Variants in SLC24A2 observed in about 807,000 individuals in gnomAD.
The protein encoded by SLC24A2 is sodium/potassium/calcium exchanger 2.
A neutral mutation model predicts 62.0 loss-of-function variants in SLC24A2; 36 were observed. The ratio of observed to expected loss-of-function variants is 0.58; its 90% confidence interval spans 0.44 to 0.77. The LOEUF (loss-of-function observed/expected upper bound fraction) is 0.77, where lower values mean the gene tolerates loss of function less well. Among genes scored for constraint, SLC24A2 ranks in the 30% least tolerant of loss-of-function variants. The pLI, the probability that SLC24A2 is intolerant of heterozygous loss-of-function variation, is 0.00. For synonymous variants in SLC24A2, 358 were observed against 294.0 expected (o/e 1.22, Z -2.23); for missense variants, 846 against 817.9 (o/e 1.03, Z -0.42).
chr9:19,933,432 A>G, the SLC24A2 span, among the ~76,000 whole-genome samples: 3 of 152,168 alleles, frequency 2.0e-5, no homozygotes, highest in Non-Finnish European at 4.4e-5. Context: ...TTCACACTCA[A>G]AAGCTCATAA....
chr9:20,236,740 C>T, the SLC24A2 span, among the ~76,000 whole-genome samples: 1 of 152,142 alleles, frequency 6.6e-6, no homozygotes, highest in Non-Finnish European at 1.5e-5. Context: ...AATCAGCCTT[C>T]CCCAGCCCTG....
At chr9:19,653,466 G>C (rs987053025) in intron 2 of SLC24A2, among the ~76,000 whole-genome samples, 1 of 152,164 alleles carries the variant, frequency 6.6e-6, no homozygotes, top group Admixed American at 6.5e-5. Flanking sequence ...TGCTCATCAA[G>C]GATAAATATC....
the SLC24A2 span, among the ~76,000 whole-genome samples, chr9:19,980,921 T>C: frequency 6.6e-6 from 1 of 152,224 alleles, no homozygotes; most frequent in African/African-American, 2.4e-5. Flanking sequence ...GGATAACTTG[T>C]ATTCCCATCC....
At chr9:20,179,888 G>A in the SLC24A2 span, among the ~76,000 whole-genome samples, 1 of 152,188 alleles carries the variant, frequency 6.6e-6, no homozygotes, top group East Asian at 1.9e-4. Context: ...TGCACAAAAG[G>A]GAGTTTGGCA....
the SLC24A2 span, among the ~76,000 whole-genome samples, chr9:20,083,885 C>T: frequency 6.6e-6 from 1 of 152,136 alleles, no homozygotes; most frequent in Admixed American, 6.5e-5. Flanking sequence ...GCACAGGATC[C>T]CAGACCCCGT....
At chr9:19,911,823 T>C in the SLC24A2 span, among the ~76,000 whole-genome samples, 1 of 152,128 alleles carries the variant, frequency 6.6e-6, no homozygotes, top group South Asian at 2.1e-4. Context: ...CTTGTCTAGA[T>C]CTTATCTCAG....
intron 2 of SLC24A2, among the ~76,000 whole-genome samples, chr9:19,680,736 T>C (rs1401504676): frequency 1.3e-5 from 2 of 152,028 alleles, no homozygotes; most frequent in South Asian, 2.1e-4. Flanking sequence ...TTCCAAACAT[T>C]TGAAAACTCA....
chr9:20,266,677 T>A, the SLC24A2 span, among the ~76,000 whole-genome samples: 1 of 152,212 alleles, frequency 6.6e-6, no homozygotes, highest in Non-Finnish European at 1.5e-5. Flanking sequence ...ACTTTATTTT[T>A]CTGAAAATTA....
chr9:20,150,795 C>T, the SLC24A2 span, among the ~76,000 whole-genome samples: 11 of 150,830 alleles, frequency 7.3e-5, no homozygotes, highest in Admixed American at 2.0e-4. Context: ...AATTTAATAA[C>T]GAAAAATAAA....
At chr9:19,881,643 C>A in the SLC24A2 span, among the ~76,000 whole-genome samples, 4 of 152,154 alleles carry the variant, frequency 2.6e-5, no homozygotes, top group Admixed American at 2.6e-4. Context: ...TAGGGGTACA[C>A]ACTTATTTAG....
At chr9:19,895,937 G>A in the SLC24A2 span, 33 of 1,613,044 alleles carry the variant, frequency 2.0e-5, no homozygotes, top group Non-Finnish European at 2.7e-5. Flanking sequence ...AGGTCAAACA[G>A]CTGCACGTGC....
chr9:20,152,310 C>G, the SLC24A2 span, among the ~76,000 whole-genome samples: 1 of 151,906 alleles, frequency 6.6e-6, no homozygotes, highest in East Asian at 1.9e-4. Context: ...AAGGATCTAG[C>G]ATAAGGTTTC....
At chr9:20,257,839 G>A in the SLC24A2 span, among the ~76,000 whole-genome samples, 5 of 152,138 alleles carry the variant, frequency 3.3e-5, no homozygotes, top group African/African-American at 7.2e-5. Flanking sequence ...TTTCTAAAAC[G>A]AGTGGGCTCA....
the SLC24A2 span, among the ~76,000 whole-genome samples, chr9:19,883,048 T>C: frequency 6.6e-6 from 1 of 152,218 alleles, no homozygotes. Flanking sequence ...TAGATCTCTA[T>C]TTATTACAAA....
the SLC24A2 span, among the ~76,000 whole-genome samples, chr9:20,091,331 C>A: frequency 1.3e-5 from 2 of 152,034 alleles, no homozygotes; most frequent in East Asian, 1.9e-4. Context: ...GAGAGGCCAA[C>A]AGTCAAATTC....
chr9:19,519,466 T>C (rs1162961715), intron 10 of SLC24A2, among the ~76,000 whole-genome samples: 2 of 152,204 alleles, frequency 1.3e-5, no homozygotes, highest in East Asian at 3.9e-4. Flanking sequence ...TTACAAGAGA[T>C]TGACCAAGAA....
At chr9:19,606,109 T>A (rs1233984391) in intron 4 of SLC24A2, among the ~76,000 whole-genome samples, 1 of 152,156 alleles carries the variant, frequency 6.6e-6, no homozygotes, top group Non-Finnish European at 1.5e-5. Context: ...ATTGACAAGA[T>A]GGGGTTTAGC....
At chr9:20,179,969 C>T in the SLC24A2 span, among the ~76,000 whole-genome samples, 2 of 152,150 alleles carry the variant, frequency 1.3e-5, no homozygotes, top group African/African-American at 4.8e-5. Flanking sequence ...TATATTGGTT[C>T]AACCAGTAAC....
the SLC24A2 span, among the ~76,000 whole-genome samples, chr9:20,129,733 A>G: frequency 6.6e-6 from 1 of 152,112 alleles, no homozygotes; most frequent in Non-Finnish European, 1.5e-5. Context: ...AGGCAAATCC[A>G]TGGAGACAGA....
Sources: gnomAD v4.1 joint callset for allele counts (sites outside exome capture counted in the v4.1 genomes callset) on GRCh38, gnomAD v4.1.1 for gene constraint, MANE v1.5 for transcripts, NCBI Gene and HGNC (gene_info 2026-07-23, HGNC 2026-07-21) for gene names.